The following ARHGEF38 variants were observed in gnomAD, a reference collection of about 807,000 sequenced individuals.
The protein encoded by ARHGEF38 is Rho guanine nucleotide exchange factor (GEF) 38.
Under a neutral mutation model 79.9 loss-of-function variants are expected in ARHGEF38, and 79 were observed. That is an observed-to-expected ratio of 0.99 (90% CI 0.82 to 1.19). ARHGEF38 has a LOEUF of 1.19. Ranked by LOEUF, ARHGEF38 falls within the 50% of genes most tolerant of loss-of-function variation. The probability of loss-of-function intolerance (pLI) is 0.00; values close to 1 mark genes in which losing one functional copy is unlikely to be tolerated. For missense variants in ARHGEF38, 962 were observed against 907.2 expected (o/e 1.06, Z -0.78); for synonymous variants, 366 against 328.3 (o/e 1.11, Z -1.24).
chr4:105,611,649 T>A (rs1260856027), intron 2 of ARHGEF38, among the ~76,000 whole-genome samples: 2 of 152,118 alleles, frequency 1.3e-5, no homozygotes, highest in Admixed American at 6.6e-5. Flanking sequence ...AATATAGAAA[T>A]TGAAAATCTT....
At chr4:105,590,967 T>C (rs1727306390) in intron 2 of ARHGEF38, among the ~76,000 whole-genome samples, 1 of 152,202 alleles carries the variant, frequency 6.6e-6, no homozygotes, top group Non-Finnish European at 1.5e-5. Context: ...GAACTTTCTG[T>C]GTATTAGAGT....
At chr4:105,638,341 A>T (rs1729483582) in intron 5 of ARHGEF38, among the ~76,000 whole-genome samples, 1 of 152,128 alleles carries the variant, frequency 6.6e-6, no homozygotes. Flanking sequence ...GACAGCAATC[A>T]TAGAACTTCC....
Position 105,616,932 on chromosome 4 carries a change from A to T in ARHGEF38, c.508+3425A>T, listed in dbSNP as rs1728534990. On this transcript the variant is annotated intron_variant, in intron 3 of 13. Coordinates refer to ENST00000420470, the MANE Select transcript of ARHGEF38 (RefSeq NM_001242729.2). Reference sequence around the variant, plus strand: ...TGGCTTCTCATTTAGGTCAGACAACAGTTTTCCTAGATTAATTACATTCAT... The same window carrying T: ...TGGCTTCTCATTTAGGTCAGACAACTGTTTTCCTAGATTAATTACATTCAT... Among the ~76,000 whole-genome samples the T allele has an allele frequency of 2.6e-5, 4 of 152,360 alleles. No homozygotes were observed. The South Asian group carries it at 6.2e-4, about 24-fold the overall frequency.
chr4:105,561,528 T>TGG (rs1725622439), intron 1 of ARHGEF38: 1 of 148,048 alleles, frequency 6.8e-6, no homozygotes, highest in Admixed American at 6.7e-5. Flanking sequence ...TAGAATAGAA[T>TGG]AGAATAGAAT....
intron 2 of ARHGEF38, among the ~76,000 whole-genome samples, chr4:105,598,519 A>G (rs569179496): frequency 7.2e-5 from 11 of 152,234 alleles, no homozygotes; most frequent in Non-Finnish European, 1.3e-4. Flanking sequence ...TTTCTGAACT[A>G]AGGTGCTGAC....
intron 3 of ARHGEF38, among the ~76,000 whole-genome samples, chr4:105,630,318 G>A (rs1007231718): frequency 6.6e-6 from 1 of 150,418 alleles, no homozygotes; most frequent in Admixed American, 6.7e-5. Flanking sequence ...TGCAATCTCA[G>A]CTCGCTGCAA....
intron 13 of ARHGEF38, among the ~76,000 whole-genome samples, chr4:105,672,857 C>A (rs1448795375): frequency 1.3e-5 from 2 of 152,196 alleles, no homozygotes; most frequent in Admixed American, 1.3e-4. Context: ...AGCCAGAGAC[C>A]ACTTTCAACA....
chr4:105,571,247 T>C (rs895822756), intron 1 of ARHGEF38, among the ~76,000 whole-genome samples: 1 of 152,198 alleles, frequency 6.6e-6, no homozygotes, highest in South Asian at 2.1e-4. Context: ...GAGGAAAAAT[T>C]TGTTATTAAA....
At chr4:105,569,208 G>A (rs1025083601) in intron 1 of ARHGEF38, among the ~76,000 whole-genome samples, 3 of 152,096 alleles carry the variant, frequency 2.0e-5, no homozygotes, top group African/African-American at 7.2e-5. Flanking sequence ...AAACTTATTT[G>A]CATTGGTGAT....
chr4:105,619,848 A>G (rs139262901), intron 3 of ARHGEF38, among the ~76,000 whole-genome samples: 3 of 152,320 alleles, frequency 2.0e-5, no homozygotes, highest in Non-Finnish European at 2.9e-5. Flanking sequence ...CTTTCATTCC[A>G]TAAGATAAAC....
chr4:105,615,098 ACAAATGC>A (rs958140725), intron 3 of ARHGEF38, among the ~76,000 whole-genome samples: 1 of 152,232 alleles, frequency 6.6e-6, no homozygotes, highest in Non-Finnish European at 1.5e-5. Flanking sequence ...CAAGTGTGAA[ACAAATGC>A]CAAATGCCAA....
At chr4:105,630,850 C>A in intron 3 of ARHGEF38, 48 bp from the exon 4 acceptor site, 1 of 1,521,002 alleles carries the variant, frequency 6.6e-7, no homozygotes, top group Non-Finnish European at 8.9e-7. Flanking sequence ...ATGTGAAGTG[C>A]CAGCTTTGTC....
chr4:105,628,338 G>A (rs1256488940), intron 3 of ARHGEF38, among the ~76,000 whole-genome samples: 2 of 152,250 alleles, frequency 1.3e-5, no homozygotes, highest in East Asian at 3.9e-4. Flanking sequence ...TTGCTGCTGA[G>A]CGTCCAGCTA....
At chr4:105,561,469 A>AGAATGGAATAGAATAGAATG (rs1491172509) in intron 1 of ARHGEF38, 2 of 49,660 alleles carry the variant, frequency 4.0e-5, no homozygotes, top group Non-Finnish European at 8.1e-5. Flanking sequence ...AGAATAGAAT[A>AGAATGGAATAGAATAGAATG]GAATAGAATA....
intron 4 of ARHGEF38, among the ~76,000 whole-genome samples, chr4:105,634,163 A>G (rs979737964): frequency 2.6e-5 from 4 of 152,188 alleles, no homozygotes; most frequent in Admixed American, 6.6e-5. Flanking sequence ...TCTTTTAACA[A>G]GCCACCTCAG....
At chr4:105,601,459 CA>C (rs949191163) in intron 2 of ARHGEF38, among the ~76,000 whole-genome samples, 1 of 151,982 alleles carries the variant, frequency 6.6e-6, no homozygotes, top group African/African-American at 2.4e-5. Flanking sequence ...CCTGAAATAG[CA>C]GTAAGGGAAC....
intron 1 of ARHGEF38, among the ~76,000 whole-genome samples, chr4:105,573,051 A>G (rs915633766): frequency 1.2e-4 from 1 of 8,688 alleles, no homozygotes; most frequent in Admixed American, 9.0e-4. Flanking sequence ...AGAAAAATCT[A>G]TTCAAGTGCC....
In ARHGEF38 at chr4:105,679,864, A is replaced by T. The variant is rs1731250918; in HGVS notation, c.*1927A>T. ...GAGGAGAACTTTGAATCACCAGGTC[A>T]ACTACAGGAATGTCCAAACCACGAG... On this transcript the variant is annotated 3_prime_UTR_variant, in exon 14 of 14. Transcript: ENST00000420470. 7.0e-6 allele frequency: 10 copies of T among 1,425,974 alleles called. No homozygotes were observed. The highest frequency in any genetic ancestry group is 2.3e-4 in the Middle Eastern group (1 of 4,438). The allele number at this position is 1,425,974 out of a possible 1,614,324, so 88.3% of individuals were successfully genotyped here.
At chr4:105,608,109 C>T (rs1296656989) in intron 2 of ARHGEF38, among the ~76,000 whole-genome samples, 1 of 152,094 alleles carries the variant, frequency 6.6e-6, no homozygotes, top group Admixed American at 6.6e-5. Context: ...CATCTTTTAG[C>T]TGTAACCTTT....
Sources: allele counts gnomAD v4.1 joint callset (sites outside exome capture counted in the v4.1 genomes callset), GRCh38; gene constraint gnomAD v4.1.1; transcripts MANE v1.5; gene names NCBI Gene and HGNC (gene_info 2026-07-23, HGNC 2026-07-21).